Variants in FHDC1 observed in about 807,000 individuals in gnomAD.
The protein encoded by FHDC1 is FH2 domain containing 1.
FHDC1 carries 25 observed loss-of-function variants against 52.6 expected under a neutral mutation model. The ratio of observed to expected loss-of-function variants is 0.48; its 90% confidence interval spans 0.35 to 0.66. FHDC1 has a LOEUF of 0.66. Among genes scored for constraint, FHDC1 ranks in the 30% least tolerant of loss-of-function variants. The pLI is 0.01. For missense variants in FHDC1, 1,459 were observed against 1,452.8 expected, an observed-to-expected ratio of 1.00 and a Z score of -0.07; for synonymous variants, 616 against 581.5, an observed-to-expected ratio of 1.06 and a Z score of -0.85.
At chr4:152,956,363 C>G (rs918104439) in intron 4 of FHDC1, among the ~76,000 whole-genome samples, 2 of 152,110 alleles carry the variant, frequency 1.3e-5, no homozygotes, top group African/African-American at 4.8e-5. Context: ...AAGTTAGGCA[C>G]AAGGGAGGCT....
intron 2 of FHDC1, among the ~76,000 whole-genome samples, chr4:152,947,662 A>T (rs764664577): frequency 6.6e-6 from 1 of 152,246 alleles, no homozygotes; most frequent in Non-Finnish European, 1.5e-5. Flanking sequence ...GGATCAGCTT[A>T]TGAGGCATCA....
the FHDC1 span, among the ~76,000 whole-genome samples, chr4:152,930,197 G>A: frequency 6.6e-6 from 1 of 152,068 alleles, no homozygotes; most frequent in South Asian, 2.1e-4. Context: ...GGAAGCCTAG[G>A]GTATTACTTG....
chr4:152,937,295 C>CCG (rs1443038730), intron 1 of FHDC1, among the ~76,000 whole-genome samples: 3 of 152,114 alleles, frequency 2.0e-5, no homozygotes, highest in Non-Finnish European at 4.4e-5. Flanking sequence ...CGCGCGGCCG[C>CCG]CGCAGACCCG....
intron 10 of FHDC1, among the ~76,000 whole-genome samples, chr4:152,970,682 C>T (rs1407561382): frequency 6.6e-6 from 1 of 152,196 alleles, no homozygotes; most frequent in Non-Finnish European, 1.5e-5. Flanking sequence ...AAGAAAAATA[C>T]AGCATGAATG....
chr4:152,924,201 A>T, the FHDC1 span, among the ~76,000 whole-genome samples: 1 of 152,244 alleles, frequency 6.6e-6, no homozygotes, highest in African/African-American at 2.4e-5. Context: ...TGGGCCAAGG[A>T]CATGAACAGA....
intron 11 of FHDC1, 122 bp downstream of exon 11, chr4:152,972,663 C>T: frequency 1.7e-6 from 2 of 1,177,836 alleles, no homozygotes; most frequent in Non-Finnish European, 1.2e-6. Flanking sequence ...GGACATCTGG[C>T]CCAGGTGGTA....
chr4:152,946,443 C>CT (rs1739736388), intron 2 of FHDC1, among the ~76,000 whole-genome samples: 2 of 152,254 alleles, frequency 1.3e-5, no homozygotes, highest in South Asian at 2.1e-4. Context: ...ATTATATATA[C>CT]TTTTTTACAG....
Position 152,974,841 on chromosome 4 carries a change from C to T in FHDC1, c.1550C>T (p.Pro517Leu), listed in dbSNP as rs746388567. The change falls in exon 12 of 12, where the codon CCT becomes CTT. Residue 517 changes from proline to leucine, a missense_variant. By Grantham distance (98) the Pro-to-Leu change is moderately conservative. This residue lies in a region of FHDC1 where 939 missense variants were observed against 854.5 expected (regional missense o/e 1.10). Transcript: ENST00000511601. The part of the protein sequence containing the change: ...LTKKGAEGLL[P>L]FLHPRPISPS... ...AAGAAGGGTGCAGAGGGCCTGCTCC[C>T]TTTCCTGCACCCCAGGCCCATCAGC... The T allele has an allele frequency of 6.3e-7, 1 of 1,599,046 alleles. No individual in the cohort carries two copies. The highest frequency in any genetic ancestry group is 8.5e-7 in the Non-Finnish European group (1 of 1,170,292).
At chr4:152,953,142 AAAAG>A (rs1345769589) in intron 2 of FHDC1, among the ~76,000 whole-genome samples, 18 of 152,192 alleles carry the variant, frequency 1.2e-4, no homozygotes, top group African/African-American at 4.3e-4. Context: ...TCCAAAAAAA[AAAAG>A]AAAGAAAATG....
rs908886690 is a variant in FHDC1 at position 152,972,290 on chromosome 4, C to T, written c.1219-87C>T. 119 of 1,349,084 alleles carry T rather than the reference C, an allele frequency of 8.8e-5. 1 individual carries two copies. In the Middle Eastern group the frequency reaches 9.5e-4, roughly 11 times the overall value. 83.6% of individuals were successfully genotyped at this position (1,349,084 alleles called of 1,614,324 possible). A position where few individuals can be genotyped will look rare whatever the true frequency, so the allele number is the denominator to read the frequency against. The stretch of plus-strand genomic sequence containing the variant: ...AGACCTGAAATGAAACCCCAGAGCA[C>T]GTCTTCTCTGGGCACCGGATGCAGT... On this transcript the variant is annotated intron_variant, in intron 10 of 11. Coordinates refer to ENST00000511601, the MANE Select transcript of FHDC1 (RefSeq NM_001371116.1).
Position 152,979,518 on chromosome 4 carries a change from G to A in FHDC1, c.*2795G>A, listed in dbSNP as rs184392070. On this transcript the variant is annotated 3_prime_UTR_variant, in exon 12 of 12. Transcript: ENST00000511601. ...GATGATCATTGTATTACCTTTTATCGGTAGTAAGCTTGGAAAAATAATTTA... is the reference window on the plus strand; with the variant it reads ...GATGATCATTGTATTACCTTTTATCAGTAGTAAGCTTGGAAAAATAATTTA... The A allele has an allele frequency of 3.9e-5, 6 of 152,246 alleles. No homozygotes were observed. Among genetic ancestry groups the A allele is most frequent in the East Asian group, 1.9e-4 (1 of 5,194 alleles). The allele number at this position is 152,246 out of a possible 1,614,324, so 9.4% of individuals were successfully genotyped here. A position where few individuals can be genotyped will look rare whatever the true frequency, so the allele number is the denominator to read the frequency against.
At chr4:152,927,585 A>T in the FHDC1 span, 1 of 1,601,504 alleles carries the variant, frequency 6.2e-7, no homozygotes, top group South Asian at 1.1e-5. Flanking sequence ...TGTCCAGAGG[A>T]GGTTTATGAC....
the FHDC1 span, chr4:152,927,893 G>C: frequency 7.2e-6 from 10 of 1,379,556 alleles, no homozygotes; most frequent in Non-Finnish European, 1.0e-5. Context: ...GTTCTCCCAG[G>C]TGAAGCTGTT....
intron 9 of FHDC1, among the ~76,000 whole-genome samples, chr4:152,966,037 T>C (rs889254207): frequency 1.6e-4 from 24 of 152,248 alleles, no homozygotes; most frequent in African/African-American, 5.8e-4. Flanking sequence ...CTCTAGATTG[T>C]TCTCTAAAAA....
In FHDC1 at chr4:152,975,777, C is replaced by T; in HGVS notation, c.2486C>T (p.Pro829Leu). 1.3e-6 allele frequency: 2 copies of T among 1,554,362 alleles called. No individual in the cohort carries two copies. Among genetic ancestry groups the T allele is most frequent in the Non-Finnish European group, 1.7e-6 (2 of 1,149,028 alleles). The change falls in exon 12 of 12, where the codon CCT becomes CTT. Residue 829 changes from proline (P) to leucine (L), a missense_variant. Physicochemically the swap from Pro to Leu is moderately conservative, Grantham distance 98. Transcript: ENST00000511601. ...QVSSNPTSSP[P>L]GEAPAPVSVD... ...TCCTCCAACCCTACATCCAGCCCCCCTGGGGAGGCTCCTGCCCCCGTCTCT... is the reference window on the plus strand; with the variant it reads ...TCCTCCAACCCTACATCCAGCCCCCTTGGGGAGGCTCCTGCCCCCGTCTCT...
At chr4:152,926,145 A>G in the FHDC1 span, among the ~76,000 whole-genome samples, 12 of 152,024 alleles carry the variant, frequency 7.9e-5, no homozygotes, top group Non-Finnish European at 1.8e-4. Context: ...GAGAGACAGC[A>G]GAAACAAATG....
At chr4:152,969,243 C>T (rs1561213352) in intron 10 of FHDC1, among the ~76,000 whole-genome samples, 1 of 152,228 alleles carries the variant, frequency 6.6e-6, no homozygotes, top group Non-Finnish European at 1.5e-5. Context: ...GAGGTTGTGC[C>T]AGCTGAAGCC....
intron 8 of FHDC1, 28 bp from the exon 9 acceptor site, chr4:152,964,877 G>A (rs1361213346): frequency 3.8e-6 from 6 of 1,565,024 alleles, no homozygotes; most frequent in Non-Finnish European, 4.4e-6. Context: ...TATCAACATA[G>A]TGAGATAAAA....
intron 2 of FHDC1, among the ~76,000 whole-genome samples, chr4:152,950,521 A>G (rs1375587252): frequency 6.6e-6 from 1 of 152,176 alleles, no homozygotes; most frequent in Non-Finnish European, 1.5e-5. Context: ...ATATCACCCA[A>G]TTCTCTTTGT....
Sources: allele counts gnomAD v4.1 joint callset (sites outside exome capture counted in the v4.1 genomes callset), GRCh38; gene constraint gnomAD v4.1.1; regional missense constraint gnomAD v4.1.1; transcripts MANE v1.5; gene names NCBI Gene and HGNC (gene_info 2026-07-23, HGNC 2026-07-21).